The following TSPAN33 variants were observed in gnomAD, a reference collection of about 807,000 sequenced individuals.
TSPAN33 encodes tetraspanin-33.
TSPAN33 carries 27 observed loss-of-function variants against 34.8 expected under a neutral mutation model. That is an observed-to-expected ratio of 0.78 (90% confidence interval 0.57 to 1.07). The LOEUF (loss-of-function observed/expected upper bound fraction) is 1.07, where lower values mean the gene tolerates loss of function less well. TSPAN33 is among the 50% of genes least tolerant of loss of function. The probability of loss-of-function intolerance (pLI) is 0.00; values close to 1 mark genes in which losing one functional copy is unlikely to be tolerated. For missense variants in TSPAN33, 272 were observed against 324.9 expected (o/e 0.84, Z 1.25); for synonymous variants, 119 against 124.2 (o/e 0.96, Z 0.28).
rs1395835489 is a variant in TSPAN33 at position 129,145,064 on chromosome 7, C to T, written c.84C>T (p.Phe28=). The change falls in exon 1 of 8, where the codon TTC becomes TTT. Residue 28 remains phenylalanine (F), a synonymous_variant. Coordinates refer to ENST00000486685, the MANE Select transcript of TSPAN33 (RefSeq NM_178562.5). Reference sequence around the variant, plus strand: ...CGCTGGTGAAATACCTGCTCTTCTTCTTCAACATGCTCTTCTGGGTGAGTC... The same window carrying T: ...CGCTGGTGAAATACCTGCTCTTCTTTTTCAACATGCTCTTCTGGGTGAGTC... ...VSPLVKYLLF[F]FNMLFWVISM... 1 of 727,640 alleles carries T rather than the reference C, an allele frequency of 1.4e-6. No homozygotes were observed. 45.1% of individuals were successfully genotyped at this position (727,640 alleles called of 1,614,324 possible).
chr7:129,162,449 T>G lies in TSPAN33; in HGVS notation c.216T>G (p.Gly72=). 1 of 1,613,874 alleles carries G rather than the reference T, an allele frequency of 6.2e-7. No individual in the cohort carries two copies. The highest frequency in any genetic ancestry group is 1.1e-5 in the South Asian group (1 of 91,082). ...VDPAILLIVV[G]VLMFLLTFCG... ...CTGCCATCCTGCTGATCGTGGTGGG[T>G]GTCCTCATGTTCCTGCTCACCTTCT... Residue 72 remains glycine, a synonymous_variant, in exon 3 of 8, where the codon GGT becomes GGG. Coordinates refer to ENST00000486685, the MANE Select transcript of TSPAN33 (RefSeq NM_178562.5).
intron 1 of TSPAN33, among the ~76,000 whole-genome samples, chr7:129,145,284 T>A (rs989596458): frequency 3.3e-5 from 5 of 151,680 alleles, no homozygotes; most frequent in Non-Finnish European, 7.4e-5. Flanking sequence ...TGCCAGGGAA[T>A]CAGTAAAGAC....
intron 1 of TSPAN33, among the ~76,000 whole-genome samples, chr7:129,147,576 C>CT (rs2150619708): frequency 6.6e-6 from 1 of 152,320 alleles, no homozygotes; most frequent in East Asian, 1.9e-4. Context: ...CCCATGCTTT[C>CT]TTTTTTGTAG....
chr7:129,152,474 G>A (rs1810610211), intron 1 of TSPAN33, among the ~76,000 whole-genome samples: 1 of 152,120 alleles, frequency 6.6e-6, no homozygotes, highest in Non-Finnish European at 1.5e-5. Context: ...ATCACTTGAG[G>A]TCAGGAGTTC....
In TSPAN33 at chr7:129,165,911, AAAAT is replaced by A. The variant is rs1461672692; in HGVS notation, c.460-860_460-857del. Among the ~76,000 whole-genome samples the A allele has an allele frequency of 6.8e-6, 1 of 147,420 alleles. No homozygotes were observed. The highest frequency in any genetic ancestry group is 1.5e-5 in the Non-Finnish European group (1 of 66,898). ...GGTGACAGACAGAGACTCCGTCTCA[AAAAT>A]AAATAAGTGAAAAATAAAAGTTAAC... On this transcript the variant is annotated intron_variant, in intron 5 of 7. Transcript: ENST00000486685. The surrounding 1 kb of genome is among the most constrained non-coding windows in gnomAD (Gnocchi z 4.5).
chr7:129,164,243 G>T (rs548710495), intron 4 of TSPAN33, among the ~76,000 whole-genome samples: 1 of 152,290 alleles, frequency 6.6e-6, no homozygotes, highest in South Asian at 2.1e-4. Flanking sequence ...CTTGAAATGT[G>T]TCTCTGAAAA....
intron 1 of TSPAN33, among the ~76,000 whole-genome samples, chr7:129,156,249 T>TCATCA (rs1382534025): frequency 6.6e-6 from 1 of 152,236 alleles, no homozygotes; most frequent in Non-Finnish European, 1.5e-5. Flanking sequence ...AGTGCCATTT[T>TCATCA]CATCACATCA....
intron 1 of TSPAN33, among the ~76,000 whole-genome samples, chr7:129,152,983 G>A (rs750067977): frequency 3.4e-5 from 5 of 148,732 alleles, no homozygotes; most frequent in South Asian, 2.1e-4. Flanking sequence ...GCTTGAACCC[G>A]GGAGGTGGAG....
chr7:129,168,061 G>T lies in TSPAN33; in HGVS notation c.*187G>T. On this transcript the variant is annotated 3_prime_UTR_variant, in exon 8 of 8. Coordinates refer to ENST00000486685, the MANE Select transcript of TSPAN33 (RefSeq NM_178562.5). ...GGTGGCTCCAGTCTCAGGAGGATGC[G>T]CCTCCTCTCCCCCATCCCAGCCCTC... 1.7e-6 allele frequency: 2 copies of T among 1,171,222 alleles called. No homozygotes were observed. Among genetic ancestry groups the T allele is most frequent in the Non-Finnish European group, 2.3e-6 (2 of 859,890 alleles). The allele number at this position is 1,171,222 out of a possible 1,614,324, so 72.6% of individuals were successfully genotyped here. A position where few individuals can be genotyped will look rare whatever the true frequency, so the allele number is the denominator to read the frequency against.
At chr7:129,162,750 G>C (rs1018721002) in intron 3 of TSPAN33, 83 bp from the exon 4 acceptor site, 5 of 1,504,884 alleles carry the variant, frequency 3.3e-6, no homozygotes, top group Non-Finnish European at 4.5e-6. Flanking sequence ...GAATTGCCTG[G>C]CAGCTCCCAG....
In TSPAN33 at chr7:129,167,891, T is replaced by A. The variant is rs35331287; in HGVS notation, c.*17T>A. On this transcript the variant is annotated 3_prime_UTR_variant, in exon 8 of 8. Transcript: ENST00000486685. The surrounding 1 kb of genome is among the most constrained non-coding windows in gnomAD (Gnocchi z 4.6). ...TGGTACTGAGAATCCATCCTGCACC[T>A]CCTCACCATGGAAACTGGCAAGCCT... 2.1e-5 allele frequency: 34 copies of A among 1,612,078 alleles called. No individual in the cohort carries two copies. Among genetic ancestry groups the A allele is most frequent in the Non-Finnish European group, 6.8e-6 (8 of 1,179,272 alleles).
intron 1 of TSPAN33, among the ~76,000 whole-genome samples, chr7:129,154,558 A>G (rs759074078): frequency 2.0e-5 from 3 of 152,150 alleles, no homozygotes; most frequent in Admixed American, 6.5e-5. Flanking sequence ...CCTGGCCAAC[A>G]TGATGAAACC....
At chr7:129,158,940 G>A (rs555579814) in intron 1 of TSPAN33, among the ~76,000 whole-genome samples, 2 of 151,740 alleles carry the variant, frequency 1.3e-5, no homozygotes, top group African/African-American at 2.4e-5. Context: ...TAGTAGAGAT[G>A]GGGTTTCACC....
rs1246250136 is a variant in TSPAN33, at chr7:129,148,560, C to T, written c.102+3478C>T. On this transcript the variant is annotated intron_variant, in intron 1 of 7. Transcript: ENST00000486685. The surrounding 1 kb of genome is among the most constrained non-coding windows in gnomAD (Gnocchi z 4.2). ...CCCTTCCTCATGGACACTGGCCTGT[C>T]AAGATGCAGCTCAACCTGGGGTCCT... Among the ~76,000 whole-genome samples the T allele has an allele frequency of 1.3e-5, 2 of 152,158 alleles. No individual in the cohort carries two copies. The highest frequency in any genetic ancestry group is 3.8e-4 in the East Asian group (2 of 5,196).
intron 2 of TSPAN33, 43 bp downstream of exon 2, chr7:129,161,779 C>T (rs1313865561): frequency 2.5e-6 from 4 of 1,611,904 alleles, no homozygotes; most frequent in Non-Finnish European, 2.5e-6. Flanking sequence ...TTGTGCCATG[C>T]CCCTTTCCCC....
rs964288175 is a variant in TSPAN33 at position 129,168,196 on chromosome 7, G to A, written c.*322G>A. The A allele has an allele frequency of 1.8e-5, 5 of 279,952 alleles. No individual in the cohort carries two copies. The highest frequency in any genetic ancestry group is 2.7e-5 in the Non-Finnish European group (4 of 145,634). The allele number at this position is 279,952 out of a possible 1,614,324, so 17.3% of individuals were successfully genotyped here. ...GGGGTACTGCTGCTGCCTTTTCACC[G>A]AGGCACTGCCACCACCAGCTCTAGC... On this transcript the variant is annotated 3_prime_UTR_variant, in exon 8 of 8. Coordinates refer to ENST00000486685, the MANE Select transcript of TSPAN33 (RefSeq NM_178562.5).
intron 1 of TSPAN33, among the ~76,000 whole-genome samples, chr7:129,151,512 C>G (rs1810593303): frequency 6.6e-6 from 1 of 152,102 alleles, no homozygotes; most frequent in African/African-American, 2.4e-5. Flanking sequence ...GCCAGGAGAA[C>G]AACCTTTGTT....
chr7:129,151,408 C>T (rs1232149077), intron 1 of TSPAN33, among the ~76,000 whole-genome samples: 1 of 152,112 alleles, frequency 6.6e-6, no homozygotes, highest in African/African-American at 2.4e-5. Flanking sequence ...GCATGAGCCA[C>T]CATGCCTGGC....
At position 129,167,595 on chromosome 7, in the gene TSPAN33, A is replaced by G; in HGVS notation, c.750+35A>G. 3 of 1,607,042 alleles carry G rather than the reference A, an allele frequency of 1.9e-6. No individual in the cohort carries two copies. The highest frequency in any genetic ancestry group is 2.6e-6 in the Non-Finnish European group (3 of 1,175,526). ...CCTGTGAGACTTGTTGGTCCCACAC[A>G]CTCTGTAAAGACTCCTTTGTTTTGG... On this transcript the variant is annotated intron_variant, in intron 7 of 7. Transcript: ENST00000486685. The surrounding 1 kb of genome is among the most constrained non-coding windows in gnomAD (Gnocchi z 4.6).
Sources: gnomAD v4.1 joint callset for allele counts (sites outside exome capture counted in the v4.1 genomes callset) on GRCh38, gnomAD v4.1.1 for gene constraint, Gnocchi (gnomAD v3.1) non-coding constraint, MANE v1.5 for transcripts, NCBI Gene and HGNC (gene_info 2026-07-23, HGNC 2026-07-21) for gene names.